Variants in SLC25A25 observed in about 807,000 individuals in gnomAD.
SLC25A25 encodes mitochondrial adenyl nucleotide antiporter SLC25A25.
In SLC25A25, 32 loss-of-function variants were observed where a neutral mutation model predicts 57.7. That is an observed-to-expected ratio of 0.55 (90% CI 0.42 to 0.74). The LOEUF is 0.74. Ranked by LOEUF, SLC25A25 falls within the 30% of genes least tolerant of loss-of-function variation. The pLI, the probability that SLC25A25 is intolerant of heterozygous loss-of-function variation, is 0.00. For missense variants in SLC25A25, 556 were observed against 701.3 expected, an observed-to-expected ratio of 0.79 and a Z score of 2.34; for synonymous variants, 306 against 291.2, an observed-to-expected ratio of 1.05 and a Z score of -0.52.
chr9:128,102,285 C>G lies in SLC25A25; in HGVS notation c.513-85C>G. 1 of 1,445,628 alleles carries G rather than the reference C, an allele frequency of 6.9e-7. No homozygotes were observed. The highest frequency in any genetic ancestry group is 9.6e-7 in the Non-Finnish European group (1 of 1,039,332). The allele number at this position is 1,445,628 out of a possible 1,614,324, so 89.6% of individuals were successfully genotyped here. A position where few individuals can be genotyped will look rare whatever the true frequency, so the allele number is the denominator to read the frequency against. ...GTGTGGTTTCTGGGCATCCGAATGC[C>G]TGCCCTTGGCTCACTGGGAGGTGGG... On this transcript the variant is annotated intron_variant, in intron 4 of 10. Coordinates refer to ENST00000373069, the MANE Select transcript of SLC25A25 (RefSeq NM_001330988.2). This position sits in a 1 kb window ranked among gnomAD's most constrained non-coding sequence, Gnocchi z 4.1.
intron 1 of SLC25A25, among the ~76,000 whole-genome samples, chr9:128,087,719 G>A (rs10819348): frequency 0.74 from 113,023 of 152,116 alleles, 43,812 homozygotes; most frequent in Non-Finnish European, 0.85. Flanking sequence ...CCGCTCACCA[G>A]TGCTCTGTTT....
rs1345746417 is a variant in SLC25A25, at chr9:128,068,514, G to C, written c.195G>C (p.Leu65=). The change falls in exon 1 of 11, where the codon CTG becomes CTC. Residue 65 remains leucine (L), a synonymous_variant. Transcript: ENST00000373069. ...QTLDVNRDGG[L]CVNDLAVGLR... ...TCGACGTCAACCGGGACGGCGGCCT[G>C]TGTGTCAACGACCTGGCGGTGGGGC... 2.0e-6 allele frequency: 3 copies of C among 1,505,138 alleles called. No homozygotes were observed. In the African/African-American group the frequency reaches 4.3e-5, roughly 22 times the overall value. The allele number at this position is 1,505,138 out of a possible 1,614,324, so 93.2% of individuals were successfully genotyped here.
At chr9:128,070,970 A>AAG (rs1554730812) in intron 1 of SLC25A25, among the ~76,000 whole-genome samples, 34 of 64,212 alleles carry the variant, frequency 5.3e-4, no homozygotes, top group Admixed American at 1.0e-3. Flanking sequence ...AAAAAAAAAA[A>AAG]AAAGAAAGAA....
rs992997805 is a variant in SLC25A25, at chr9:128,102,228, C to T, written c.512+113C>T. 2.1e-6 allele frequency: 3 copies of T among 1,443,308 alleles called. No individual in the cohort carries two copies. The highest frequency in any genetic ancestry group is 3.9e-5 in the Admixed American group (2 of 50,758). 89.4% of individuals were successfully genotyped at this position (1,443,308 alleles called of 1,614,324 possible). ...TTGTGCTAAGTGGGGTGTGGAGCCC[C>T]CTGCTCTTTCTCCTGGGGGCAGAGG... On this transcript the variant is annotated intron_variant, in intron 4 of 10. Transcript: ENST00000373069. The surrounding 1 kb of genome is among the most constrained non-coding windows in gnomAD (Gnocchi z 4.1).
rs370591194 is a variant in SLC25A25 at position 128,105,813 on chromosome 9, C to T, written c.868C>T (p.Arg290Trp). The T allele has an allele frequency of 1.7e-4, 267 of 1,614,006 alleles. No homozygotes were observed. Among genetic ancestry groups the T allele is most frequent in the Non-Finnish European group, 2.0e-4 (232 of 1,180,058 alleles). ...AGAAGGAGGGGCCAGGTCACTCTGG[C>T]GGGGCAATGGCATCAACGTCCTCAA... is the stretch of plus-strand genomic sequence containing the variant. ...IREGGARSLW[R>W]GNGINVLKIA... The change falls in exon 7 of 11, where the codon CGG becomes TGG. Residue 290 changes from arginine (R) to tryptophan (W), a missense_variant. By Grantham distance (101) the Arg-to-Trp change is moderately radical. Coordinates refer to ENST00000373069, the MANE Select transcript of SLC25A25 (RefSeq NM_001330988.2).
chr9:128,079,934 G>T (rs967940694), intron 1 of SLC25A25, among the ~76,000 whole-genome samples: 1 of 151,612 alleles, frequency 6.6e-6, no homozygotes, highest in African/African-American at 2.4e-5. Flanking sequence ...GAGGTTGCAG[G>T]CAGCCCAGAT....
In SLC25A25 at chr9:128,102,540, C is replaced by T; in HGVS notation, c.624+59C>T. The T allele has an allele frequency of 7.4e-7, 1 of 1,358,888 alleles. No homozygotes were observed. Among genetic ancestry groups the T allele is most frequent in the Non-Finnish European group, 1.0e-6 (1 of 971,242 alleles). 84.2% of individuals were successfully genotyped at this position (1,358,888 alleles called of 1,614,324 possible). A position where few individuals can be genotyped will look rare whatever the true frequency, so the allele number is the denominator to read the frequency against. On this transcript the variant is annotated intron_variant, in intron 5 of 10. Transcript: ENST00000373069. This position sits in a 1 kb window ranked among gnomAD's most constrained non-coding sequence, Gnocchi z 4.1. ...CCCAGGGACCCTTAGCCCAGAGTCA[C>T]CCAGTCGTCCCCATCCCAGAGTGCA...
intron 1 of SLC25A25, among the ~76,000 whole-genome samples, chr9:128,097,053 C>T (rs9695803): frequency 0.74 from 112,212 of 152,220 alleles, 44,158 homozygotes; most frequent in Non-Finnish European, 0.87. Context: ...ACCCTCTTTA[C>T]GAGTTAACAA....
rs368835484 is a variant in SLC25A25 at position 128,106,140 on chromosome 9, C to T, written c.937-10C>T. On this transcript the variant is annotated splice_polypyrimidine_tract_variant and intron_variant, in intron 7 of 10. Transcript: ENST00000373069. ...GGTATATCAGGTGGTTTGTTTGTTC[C>T]TGGTTCTAGATCAAGCGCCTTGTTG... 8 of 1,614,082 alleles carry T rather than the reference C, an allele frequency of 5.0e-6. No individual in the cohort carries two copies. The highest frequency in any genetic ancestry group is 4.0e-5 in the African/African-American group (3 of 74,942).
At chr9:128,100,116 T>C (rs2130815154) in intron 1 of SLC25A25, among the ~76,000 whole-genome samples, 1 of 152,206 alleles carries the variant, frequency 6.6e-6, no homozygotes, top group Non-Finnish European at 1.5e-5. Context: ...CTTGTGTAAA[T>C]GTTTAGGCTC....
intron 1 of SLC25A25, among the ~76,000 whole-genome samples, chr9:128,078,512 CAAT>C (rs1441552734): frequency 3.9e-5 from 6 of 152,212 alleles, no homozygotes; most frequent in Middle Eastern, 3.4e-3. Flanking sequence ...AGCAAAGAAA[CAAT>C]AAAAAGTTGT....
At chr9:128,096,812 C>T (rs1465938487) in intron 1 of SLC25A25, among the ~76,000 whole-genome samples, 1 of 152,224 alleles carries the variant, frequency 6.6e-6, no homozygotes, top group Non-Finnish European at 1.5e-5. Context: ...CAAGGCAGAA[C>T]ATTCTGGATT....
chr9:128,080,935 A>G (rs1424762297), intron 1 of SLC25A25, among the ~76,000 whole-genome samples: 2 of 152,286 alleles, frequency 1.3e-5, no homozygotes, highest in African/African-American at 2.4e-5. Context: ...GAGAAAGACA[A>G]GGTTCCTCAG....
chr9:128,097,514 C>T (rs1367137443), intron 1 of SLC25A25, among the ~76,000 whole-genome samples: 1 of 152,186 alleles, frequency 6.6e-6, no homozygotes, highest in African/African-American at 2.4e-5. Flanking sequence ...GTACAACCTC[C>T]GCCTCCTGGG....
Position 128,068,330 on chromosome 9 carries a change from G to A in SLC25A25, c.11G>A (p.Ser4Asn), listed in dbSNP as rs2130776942. The change falls in exon 1 of 11, where the codon AGT becomes AAT. Residue 4 changes from serine (S) to asparagine (N), a missense_variant. Physicochemically the swap from Ser to Asn is conservative, Grantham distance 46 (BLOSUM62 1). Coordinates refer to ENST00000373069, the MANE Select transcript of SLC25A25 (RefSeq NM_001330988.2). ...CCTGCCTCGCGCCCGATGGTGAGCA[G>A]TGTGTTGTGCCGCTGTGTGGCCTCC... MVS[S>N]VLCRCVASPP... The A allele has an allele frequency of 2.0e-6, 3 of 1,513,310 alleles. No individual in the cohort carries two copies. The highest frequency in any genetic ancestry group is 1.4e-5 in the African/African-American group (1 of 69,358). 93.7% of individuals were successfully genotyped at this position (1,513,310 alleles called of 1,614,324 possible).
chr9:128,093,858 G>C (rs1833483320), intron 1 of SLC25A25, among the ~76,000 whole-genome samples: 1 of 152,194 alleles, frequency 6.6e-6, no homozygotes, highest in Admixed American at 6.5e-5. Context: ...TTTTTGAAAA[G>C]TTCACTTTAG....
intron 1 of SLC25A25, among the ~76,000 whole-genome samples, chr9:128,075,752 G>A (rs1832996873): frequency 6.6e-6 from 1 of 152,026 alleles, no homozygotes. Flanking sequence ...GCTGAGGCAG[G>A]AGAATCACTT....
chr9:128,101,614 G>A lies in SLC25A25; in HGVS notation c.476+218G>A, dbSNP rs3814522. Among the ~76,000 whole-genome samples, 19,008 of 152,030 alleles carry A rather than the reference G, an allele frequency of 0.13. 1,292 individuals are homozygous for A. Among genetic ancestry groups the A allele is most frequent in the South Asian group, 0.22 (1,069 of 4,822 alleles). On this transcript the variant is annotated intron_variant, in intron 3 of 10. Transcript: ENST00000373069. This position sits in a 1 kb window ranked among gnomAD's most constrained non-coding sequence, Gnocchi z 4.9. ...CAGATCACCTGGAATTTTGCCCATC[G>A]GCCAGTGGCCCATGAAGGGAAAACT...
chr9:128,081,415 A>T (rs1181825884), intron 1 of SLC25A25, among the ~76,000 whole-genome samples: 1 of 152,200 alleles, frequency 6.6e-6, no homozygotes, highest in East Asian at 1.9e-4. Flanking sequence ...GGGAGAAGGA[A>T]AGGAGAGGAT....
Sources: gnomAD v4.1 joint callset for allele counts (sites outside exome capture counted in the v4.1 genomes callset) on GRCh38, gnomAD v4.1.1 for gene constraint, Gnocchi (gnomAD v3.1) non-coding constraint, MANE v1.5 for transcripts, NCBI Gene and HGNC (gene_info 2026-07-23, HGNC 2026-07-21) for gene names.